Variants in TENM2 observed in about 807,000 individuals in gnomAD.
TENM2 encodes teneurin transmembrane protein 2.
Under a neutral mutation model 245.2 loss-of-function variants are expected in TENM2, and 52 were observed. The ratio of observed to expected loss-of-function variants is 0.21; its 90% CI spans 0.17 to 0.27. The LOEUF is 0.27. Ranked by LOEUF, TENM2 falls within the 10% of genes least tolerant of loss-of-function variation. The probability of loss-of-function intolerance (pLI) is 1.00; values close to 1 mark genes in which losing one functional copy is unlikely to be tolerated. For synonymous variants in TENM2, 1,363 were observed against 1,438.9 expected (o/e 0.95, Z 1.19); for missense variants, 3,046 against 3,666.8 (o/e 0.83, Z 4.37).
the TENM2 span, among the ~76,000 whole-genome samples, chr5:167,091,673 G>A: frequency 5.1e-3 from 771 of 152,206 alleles, 7 homozygotes; most frequent in African/African-American, 0.017. Context: ...GCTTATGAAT[G>A]TAAATGAATA....
intron 2 of TENM2, among the ~76,000 whole-genome samples, chr5:167,427,239 G>A (rs887944566): frequency 6.6e-6 from 1 of 152,168 alleles, no homozygotes; most frequent in Non-Finnish European, 1.5e-5. Context: ...GATCACCTGA[G>A]GTTGGGGGTT....
chr5:168,242,751 G>A (rs909087232), intron 25 of TENM2, among the ~76,000 whole-genome samples: 3 of 152,060 alleles, frequency 2.0e-5, no homozygotes, highest in East Asian at 1.9e-4. Flanking sequence ...TCAGGAGTTC[G>A]AGACCAGCCT....
chr5:166,984,222 G>A, the TENM2 span, among the ~76,000 whole-genome samples: 1 of 151,990 alleles, frequency 6.6e-6, no homozygotes, highest in Non-Finnish European at 1.5e-5. Context: ...CATTTCTTTT[G>A]TTTATTTAGG....
intron 2 of TENM2, among the ~76,000 whole-genome samples, chr5:167,615,829 C>A (rs1311284433): frequency 6.6e-6 from 1 of 152,038 alleles, no homozygotes; most frequent in African/African-American, 2.4e-5. Flanking sequence ...GAGACCAAAA[C>A]CAGCTCCTCT....
the TENM2 span, among the ~76,000 whole-genome samples, chr5:167,008,355 A>C: frequency 6.6e-6 from 1 of 152,192 alleles, no homozygotes; most frequent in African/African-American, 2.4e-5. Flanking sequence ...TCAGAAGAAG[A>C]TCTAAAAAGG....
chr5:167,583,933 C>T (rs200693360), intron 2 of TENM2, among the ~76,000 whole-genome samples: 227 of 152,224 alleles, frequency 1.5e-3, no homozygotes, highest in African/African-American at 5.1e-3. Context: ...ATCTTTAGGC[C>T]GAACATTAAA....
At chr5:167,054,164 G>T in the TENM2 span, among the ~76,000 whole-genome samples, 5 of 152,262 alleles carry the variant, frequency 3.3e-5, no homozygotes, top group Non-Finnish European at 7.3e-5. Flanking sequence ...GAATAGTTTA[G>T]CTGCTGTAAA....
At chr5:167,888,736 G>A (rs934581639) in intron 3 of TENM2, among the ~76,000 whole-genome samples, 2 of 152,144 alleles carry the variant, frequency 1.3e-5, no homozygotes, top group Non-Finnish European at 2.9e-5. Context: ...TTCCCCCAGG[G>A]CCAATACCAG....
chr5:167,123,361 C>T, the TENM2 span, among the ~76,000 whole-genome samples: 3 of 151,954 alleles, frequency 2.0e-5, no homozygotes, highest in Admixed American at 1.3e-4. Flanking sequence ...ACAACAAAAC[C>T]ACACACACAC....
intron 2 of TENM2, among the ~76,000 whole-genome samples, chr5:167,534,833 A>G (rs549815453): frequency 6.6e-6 from 1 of 152,236 alleles, no homozygotes; most frequent in South Asian, 2.1e-4. Context: ...CTGTCACTCC[A>G]GTTGTCCCTC....
rs543808540 is a variant in TENM2 at position 167,288,485 on chromosome 5, G to A, written c.226+3422G>A. Among the ~76,000 whole-genome samples, 411 of 151,890 alleles carry A rather than the reference G, an allele frequency of 2.7e-3. 3 individuals are homozygous for A. The South Asian group carries it at 0.038, about 14-fold the overall frequency. ...GAGGCAGGGGAATGGCGTGAACCTG[G>A]GAGGCGGAGCTTGCAGTGAGCGGAG... On this transcript the variant is annotated intron_variant, in intron 1 of 28. Coordinates refer to ENST00000518659, the Ensembl canonical transcript of TENM2.
intron 2 of TENM2, among the ~76,000 whole-genome samples, chr5:167,694,169 A>G (rs969739003): frequency 1.3e-5 from 2 of 152,116 alleles, no homozygotes; most frequent in East Asian, 1.9e-4. Flanking sequence ...TATCCAGCTC[A>G]ATTTCTCATC....
At chr5:168,225,356 T>G (rs1764068048) in intron 23 of TENM2, among the ~76,000 whole-genome samples, 2 of 152,240 alleles carry the variant, frequency 1.3e-5, no homozygotes, top group South Asian at 4.1e-4. Context: ...GATTTTTATT[T>G]GATTTAGCAA....
intron 2 of TENM2, among the ~76,000 whole-genome samples, chr5:167,456,358 C>G (rs1199790632): frequency 1.3e-5 from 2 of 152,166 alleles, no homozygotes; most frequent in Non-Finnish European, 2.9e-5. Flanking sequence ...CAGGAATTTA[C>G]ATGTAGTTGG....
At chr5:168,187,208 G>T (rs1760540987) in intron 13 of TENM2, 1 of 152,116 alleles carries the variant, frequency 6.6e-6, no homozygotes, top group Non-Finnish European at 1.5e-5. Flanking sequence ...ACAGGCCCTT[G>T]AATCAAAAGC....
chr5:167,329,701 C>T (rs888097225), intron 1 of TENM2, among the ~76,000 whole-genome samples: 5 of 151,630 alleles, frequency 3.3e-5, no homozygotes, highest in African/African-American at 4.8e-5. Context: ...TGAATTGATC[C>T]AGCTATGAGA....
At chr5:168,029,684 T>C (rs1786940970) in intron 5 of TENM2, among the ~76,000 whole-genome samples, 1 of 152,236 alleles carries the variant, frequency 6.6e-6, no homozygotes, top group African/African-American at 2.4e-5. Flanking sequence ...GTCATGCCAC[T>C]TTGAGCCACT....
chr5:167,711,447 C>A (rs940960709), intron 2 of TENM2, among the ~76,000 whole-genome samples: 15 of 152,230 alleles, frequency 9.9e-5, no homozygotes, highest in African/African-American at 3.6e-4. Context: ...CTTCCACATT[C>A]TGCAGCTAGT....
intron 13 of TENM2, among the ~76,000 whole-genome samples, chr5:168,168,661 G>A (rs1429114950): frequency 1.7e-4 from 24 of 141,272 alleles, no homozygotes; most frequent in Admixed American, 1.3e-3. Context: ...CAGCCTGGGC[G>A]ACAGAGTGAG....
Sources: allele counts gnomAD v4.1 joint callset (sites outside exome capture counted in the v4.1 genomes callset), GRCh38; gene constraint gnomAD v4.1.1; transcripts MANE v1.5; gene names NCBI Gene and HGNC (gene_info 2026-07-23, HGNC 2026-07-21).